AFF2: variants seen among roughly 807,000 people sequenced by gnomAD.
AFF2 encodes the protein AF4/FMR2 family member 2.
AFF2 carries 14 observed loss-of-function variants against 76.9 expected under a neutral mutation model. That is an observed-to-expected ratio of 0.18 (90% CI 0.12 to 0.28). The LOEUF (loss-of-function observed/expected upper bound fraction) is 0.28. AFF2 is among the 10% of genes least tolerant of loss of function. AFF2 has a pLI of 1.00. For missense variants in AFF2, 868 were observed against 1,001.1 expected (o/e 0.87, Z 1.79); for synonymous variants, 398 against 366.7 (o/e 1.09, Z -0.98).
rs782548255 is a variant in AFF2, at chrX:148,834,114, G to A, written c.1087-3533G>A. Among the ~76,000 whole-genome samples, 4 of 112,422 alleles carry A rather than the reference G, an allele frequency of 3.6e-5. No individual in the cohort carries two copies. The East Asian group carries it at 8.4e-4, about 24-fold the overall frequency. ...TGATTTTGTGGGGTTTGACTTTGGA[G>A]TCTTCATATCACATTAATATAAGTG... On this transcript the variant is annotated intron_variant, in intron 4 of 20. Transcript: ENST00000370460.
chrX:148,642,258 G>A (rs781868859), intron 1 of AFF2, among the ~76,000 whole-genome samples: 1 of 112,291 alleles, frequency 8.9e-6, no homozygotes, highest in African/African-American at 3.2e-5. Flanking sequence ...AGTGCAAGTG[G>A]ATCAAAGGGT....
At chrX:148,784,163 G>A (rs1557269304) in intron 3 of AFF2, among the ~76,000 whole-genome samples, 1 of 112,230 alleles carries the variant, frequency 8.9e-6, no homozygotes, top group Non-Finnish European at 1.9e-5. Flanking sequence ...TAATGCCAGA[G>A]AACTTGGAAG....
intron 1 of AFF2, among the ~76,000 whole-genome samples, chrX:148,624,346 A>T (rs1359870505): frequency 1.8e-5 from 2 of 111,897 alleles, no homozygotes; most frequent in African/African-American, 6.5e-5. Flanking sequence ...ATAACTTAAA[A>T]AAAGCTTTCT....
chrX:148,950,142 A>G (rs1157019134), intron 9 of AFF2, among the ~76,000 whole-genome samples: 1 of 112,759 alleles, frequency 8.9e-6, no homozygotes, highest in East Asian at 2.8e-4. Context: ...CCTTAAGCCA[A>G]CTATTCAGAC....
At chrX:148,983,737 C>T (rs1211118755) in intron 19 of AFF2, among the ~76,000 whole-genome samples, 1 of 109,023 alleles carries the variant, frequency 9.2e-6, no homozygotes, top group Non-Finnish European at 1.9e-5. Flanking sequence ...TGAGTGCCTA[C>T]CTTGTGTGAG....
intron 1 of AFF2, among the ~76,000 whole-genome samples, chrX:148,546,128 A>T (rs893663819): frequency 8.9e-6 from 1 of 111,762 alleles, no homozygotes; most frequent in African/African-American, 3.3e-5. Flanking sequence ...TCCTAAATGG[A>T]GTTGGATATA....
rs371428944 is a variant in AFF2 at position 148,952,232 on chromosome X, T to C, written c.1398-1348T>C. ...TTTGGGTTCAGGCAATGAATAAAGG[T>C]CTGTGCTCCTTGAGCTGGGGGCTGG... On this transcript the variant is annotated intron_variant, in intron 9 of 20. Coordinates refer to ENST00000370460, the MANE Select transcript of AFF2 (RefSeq NM_002025.4). Among the ~76,000 whole-genome samples, 26 of 111,609 alleles carry C rather than the reference T, an allele frequency of 2.3e-4. No individual in the cohort carries two copies. In the East Asian group the frequency reaches 6.5e-3, roughly 28 times the overall value.
intron 12 of AFF2, among the ~76,000 whole-genome samples, chrX:148,960,589 G>A (rs193009571): frequency 5.5e-4 from 62 of 112,360 alleles, no homozygotes; most frequent in African/African-American, 1.9e-3. Flanking sequence ...GACCTCTTAG[G>A]GGTCTCCTCC....
chrX:148,871,103 T>C (rs1424827922), intron 7 of AFF2, among the ~76,000 whole-genome samples: 1 of 111,509 alleles, frequency 9.0e-6, no homozygotes, highest in Non-Finnish European at 1.9e-5. Flanking sequence ...TGATGCCCTC[T>C]GCATGAGAAA....
chrX:148,504,170 C>G (rs1414876435), intron 1 of AFF2, among the ~76,000 whole-genome samples: 2 of 110,842 alleles, frequency 1.8e-5, no homozygotes, highest in African/African-American at 6.6e-5. Context: ...AAAGCAAATT[C>G]AGAGGGCCTA....
At chrX:148,951,763 G>T (rs2071971494) in intron 9 of AFF2, among the ~76,000 whole-genome samples, 1 of 111,006 alleles carries the variant, frequency 9.0e-6, no homozygotes, top group Admixed American at 9.5e-5. Context: ...ACTAAAGAGA[G>T]ATCTACAAAG....
intron 7 of AFF2, among the ~76,000 whole-genome samples, chrX:148,856,469 C>T (rs1557275898): frequency 9.0e-6 from 1 of 111,094 alleles, no homozygotes; most frequent in East Asian, 2.8e-4. Context: ...TGGTTGACTC[C>T]AGTAAGAGAC....
intron 3 of AFF2, among the ~76,000 whole-genome samples, chrX:148,764,124 T>C (rs1432212721): frequency 8.9e-6 from 1 of 111,968 alleles, no homozygotes; most frequent in Admixed American, 9.5e-5. Flanking sequence ...TCCATTGTTG[T>C]GATAAAATAC....
At chrX:148,568,375 T>C (rs1180371203) in intron 1 of AFF2, among the ~76,000 whole-genome samples, 1 of 112,194 alleles carries the variant, frequency 8.9e-6, no homozygotes, top group Non-Finnish European at 1.9e-5. Context: ...ATTAAATGTA[T>C]CTTTTAAAGT....
chrX:148,644,687 T>G (rs1164014791), intron 1 of AFF2, among the ~76,000 whole-genome samples: 2 of 112,499 alleles, frequency 1.8e-5, no homozygotes, highest in Admixed American at 1.9e-4. Flanking sequence ...CCTAAAGGTG[T>G]TTGGTCCTTG....
At chrX:148,949,385 C>T (rs1218642027) in intron 9 of AFF2, among the ~76,000 whole-genome samples, 1 of 111,059 alleles carries the variant, frequency 9.0e-6, no homozygotes, top group East Asian at 2.8e-4. Flanking sequence ...GCACCTTAAA[C>T]GCCTCCCCAG....
intron 4 of AFF2, among the ~76,000 whole-genome samples, chrX:148,828,765 G>A (rs1453079578): frequency 8.9e-6 from 1 of 111,937 alleles, no homozygotes; most frequent in East Asian, 2.8e-4. Context: ...GCCAAAAAAA[G>A]TTGCATGAAT....
At position 148,662,159 on chromosome X, in the gene AFF2, G is replaced by A. The variant is rs782237480; in HGVS notation, c.432G>A (p.Leu144=). 11 of 1,208,645 alleles carry A rather than the reference G, an allele frequency of 9.1e-6. No homozygotes were observed. The African/African-American group carries it at 1.6e-4, about 17-fold the overall frequency. Residue 144 remains leucine, a synonymous_variant, in exon 3 of 21, where the codon CTG becomes CTA. Coordinates refer to ENST00000370460, the MANE Select transcript of AFF2 (RefSeq NM_002025.4). ...TGCCTCCACCTTCTGTTGTGATACT[G>A]AATTCAACTCTAATACACAGCAACA... ...APMPPPSVVI[L]NSTLIHSNRK... is the part of the protein sequence containing the mutation.
chrX:148,675,658 G>T (rs1388961480), intron 3 of AFF2, among the ~76,000 whole-genome samples: 1 of 108,958 alleles, frequency 9.2e-6, no homozygotes, highest in African/African-American at 3.4e-5. Flanking sequence ...ATTTCCTCTG[G>T]GACATCCAGA....
Sources: gnomAD v4.1 joint callset for allele counts (sites outside exome capture counted in the v4.1 genomes callset) on GRCh38, gnomAD v4.1.1 for gene constraint, MANE v1.5 for transcripts, NCBI Gene and HGNC (gene_info 2026-07-23, HGNC 2026-07-21) for gene names.